The following CD38 variants were observed in gnomAD, a reference collection of about 807,000 sequenced individuals.
CD38 encodes the protein CD38 molecule, also known as ADP-ribosyl cyclase/cyclic ADP-ribose hydrolase 1.
A neutral mutation model predicts 36.3 loss-of-function variants in CD38; 31 were observed. That is an observed-to-expected ratio of 0.85 (90% CI 0.64 to 1.15). The LOEUF (loss-of-function observed/expected upper bound fraction) is 1.15. Among genes scored for constraint, CD38 ranks in the 50% most tolerant of loss-of-function variants. CD38 has a pLI of 0.00. For missense variants in CD38, 380 were observed against 371.9 expected (o/e 1.02, Z -0.18); for synonymous variants, 131 against 135.2 (o/e 0.97, Z 0.22).
chr4:15,809,658 C>G (rs186259539), intron 1 of CD38, among the ~76,000 whole-genome samples: 216 of 152,270 alleles, frequency 1.4e-3, no homozygotes, highest in Middle Eastern at 3.4e-3. Flanking sequence ...ATCACCGGCA[C>G]AGAATGAGCT....
At chr4:15,787,284 TGA>T (rs886602387) in intron 1 of CD38, among the ~76,000 whole-genome samples, 1 of 152,216 alleles carries the variant, frequency 6.6e-6, no homozygotes, top group East Asian at 1.9e-4. Context: ...AAATGGACCC[TGA>T]GAGAGATTAA....
At chr4:15,837,291 G>A (rs1724087145) in intron 4 of CD38, among the ~76,000 whole-genome samples, 1 of 152,132 alleles carries the variant, frequency 6.6e-6, no homozygotes, top group South Asian at 2.1e-4. Flanking sequence ...GTATGTGGAT[G>A]GACTTCTTTT....
intron 1 of CD38, among the ~76,000 whole-genome samples, chr4:15,791,236 G>C (rs1175784903): frequency 1.7e-4 from 9 of 52,182 alleles, no homozygotes; most frequent in Non-Finnish European, 2.7e-4. Context: ...GCCTCTGCCC[G>C]GCCGCCCGTA....
At chr4:15,779,587 T>TA (rs1722646173) in intron 1 of CD38, among the ~76,000 whole-genome samples, 1 of 152,134 alleles carries the variant, frequency 6.6e-6, no homozygotes, top group Admixed American at 6.6e-5. Flanking sequence ...AACGAGCAAA[T>TA]AGACCTCCCT....
At chr4:15,795,711 T>C (rs1723091729) in intron 1 of CD38, among the ~76,000 whole-genome samples, 1 of 152,160 alleles carries the variant, frequency 6.6e-6, no homozygotes, top group Non-Finnish European at 1.5e-5. Context: ...TTTTCTATTA[T>C]ACGATGTTTT....
rs1724322756 is a variant in CD38 at position 15,848,775 on chromosome 4, A to G, written c.*173A>G. ...AAGTCTTAAAATAACTTATATCATC[A>G]GCATACCTTTATTGTGATCTATCAA... On this transcript the variant is annotated 3_prime_UTR_variant, in exon 8 of 8. Transcript: ENST00000226279. 1.9e-6 allele frequency: 1 copy of G among 524,154 alleles called. No homozygotes were observed. The highest frequency in any genetic ancestry group is 3.5e-6 in the Non-Finnish European group (1 of 288,872). The allele number at this position is 524,154 out of a possible 1,614,324, so 32.5% of individuals were successfully genotyped here.
intron 1 of CD38, among the ~76,000 whole-genome samples, chr4:15,780,818 A>T (rs1010343678): frequency 1.3e-5 from 2 of 152,228 alleles, no homozygotes; most frequent in African/African-American, 4.8e-5. Flanking sequence ...AGCTAAAAGA[A>T]GTGAGTTGGG....
intron 7 of CD38, among the ~76,000 whole-genome samples, chr4:15,842,025 C>A (rs937934300): frequency 2.1e-5 from 3 of 142,606 alleles, no homozygotes; most frequent in African/African-American, 8.4e-5. Flanking sequence ...GTAAACAAAG[C>A]AGCCAGGAAG....
chr4:15,843,256 C>T (rs1406248063), intron 7 of CD38, among the ~76,000 whole-genome samples: 2 of 50,916 alleles, frequency 3.9e-5, no homozygotes, highest in Admixed American at 5.7e-4. Context: ...GGCCAATATT[C>T]AACATTCTTA....
intron 4 of CD38, among the ~76,000 whole-genome samples, chr4:15,837,397 A>G (rs1724092660): frequency 6.6e-6 from 1 of 152,086 alleles, no homozygotes; most frequent in Non-Finnish European, 1.5e-5. Flanking sequence ...TTATAATACA[A>G]TACAGTTGGA....
At chr4:15,805,756 A>T (rs1216032864) in intron 1 of CD38, among the ~76,000 whole-genome samples, 2 of 152,194 alleles carry the variant, frequency 1.3e-5, no homozygotes, top group Admixed American at 6.5e-5. Flanking sequence ...AGATAATCCT[A>T]ATTGTCTCAG....
intron 1 of CD38, among the ~76,000 whole-genome samples, chr4:15,796,083 G>A (rs1723098652): frequency 6.6e-6 from 1 of 152,026 alleles, no homozygotes; most frequent in East Asian, 1.9e-4. Flanking sequence ...CTCTAACGTT[G>A]TCTAAGTTGG....
At chr4:15,779,395 C>T (rs1194018402) in intron 1 of CD38, among the ~76,000 whole-genome samples, 1 of 152,146 alleles carries the variant, frequency 6.6e-6, no homozygotes, top group East Asian at 1.9e-4. Flanking sequence ...TGCTCCTTTC[C>T]AGCTACTAAC....
At position 15,850,190 on chromosome 4, in the gene CD38, T is replaced by G. The variant is rs548740063; in HGVS notation, c.*1588T>G. On this transcript the variant is annotated 3_prime_UTR_variant, in exon 8 of 8. Transcript: ENST00000226279. ...GTTGTGCACCTGTAGTCCCAGCTACTCTGGAGACTGAGGTGGGAGGATTGT... is the reference window on the plus strand; with the variant it reads ...GTTGTGCACCTGTAGTCCCAGCTACGCTGGAGACTGAGGTGGGAGGATTGT... 1.3e-5 allele frequency: 2 copies of G among 152,316 alleles called. No homozygotes were observed. The highest frequency in any genetic ancestry group is 2.9e-5 in the Non-Finnish European group (2 of 68,086). 9.4% of individuals were successfully genotyped at this position (152,316 alleles called of 1,614,324 possible). A position where few individuals can be genotyped will look rare whatever the true frequency, so the allele number is the denominator to read the frequency against.
intron 1 of CD38, among the ~76,000 whole-genome samples, chr4:15,804,609 C>T (rs997441124): frequency 6.6e-6 from 1 of 152,064 alleles, no homozygotes; most frequent in Non-Finnish European, 1.5e-5. Flanking sequence ...GAAATCCTAT[C>T]ATTGGTGGCA....
At chr4:15,781,273 T>C (rs1722690135) in intron 1 of CD38, among the ~76,000 whole-genome samples, 1 of 152,212 alleles carries the variant, frequency 6.6e-6, no homozygotes, top group African/African-American at 2.4e-5. Flanking sequence ...TTTCTTCTAG[T>C]TGCTAACAAT....
intron 1 of CD38, among the ~76,000 whole-genome samples, chr4:15,808,335 G>A (rs1411279683): frequency 6.6e-6 from 1 of 152,108 alleles, no homozygotes; most frequent in Non-Finnish European, 1.5e-5. Context: ...TGAGGGATGC[G>A]AAAGGATACA....
At chr4:15,787,826 G>A (rs1004800156) in intron 1 of CD38, among the ~76,000 whole-genome samples, 1 of 152,184 alleles carries the variant, frequency 6.6e-6, no homozygotes, top group Non-Finnish European at 1.5e-5. Context: ...ATTCAGTACA[G>A]ACATAATGCC....
chr4:15,848,658 C>A lies in CD38; in HGVS notation c.*56C>A. On this transcript the variant is annotated 3_prime_UTR_variant, in exon 8 of 8. Transcript: ENST00000226279. Reference sequence around the variant, plus strand: ...ACTCCTTGTGGTTTATGTCATCATACATGACTCAGCATACCTGCTGGTGCA... The same window carrying A: ...ACTCCTTGTGGTTTATGTCATCATAAATGACTCAGCATACCTGCTGGTGCA... 1.5e-6 allele frequency: 2 copies of A among 1,378,452 alleles called. No homozygotes were observed. The highest frequency in any genetic ancestry group is 2.1e-6 in the Non-Finnish European group (2 of 966,840). 85.4% of individuals were successfully genotyped at this position (1,378,452 alleles called of 1,614,324 possible). A position where few individuals can be genotyped will look rare whatever the true frequency, so the allele number is the denominator to read the frequency against.
Sources: allele counts gnomAD v4.1 joint callset (sites outside exome capture counted in the v4.1 genomes callset), GRCh38; gene constraint gnomAD v4.1.1; transcripts MANE v1.5; gene names NCBI Gene and HGNC (gene_info 2026-07-23, HGNC 2026-07-21).